The following RWDD4 variants were observed in gnomAD, a reference collection of about 807,000 sequenced individuals.
RWDD4 encodes RWD domain-containing protein 4.
RWDD4 carries 16 observed loss-of-function variants against 30.0 expected under a neutral mutation model. The observed-to-expected ratio is 0.53, with a 90% confidence interval of 0.36 to 0.81. RWDD4 has a LOEUF of 0.81. Among genes scored for constraint, RWDD4 ranks in the 30% least tolerant of loss-of-function variants. The probability of loss-of-function intolerance (pLI) is 0.00; values close to 1 mark genes in which losing one functional copy is unlikely to be tolerated. For synonymous variants in RWDD4, 45 were observed against 72.1 expected, an observed-to-expected ratio of 0.62 and a Z score of 1.90; for missense variants, 170 against 223.9, an observed-to-expected ratio of 0.76 and a Z score of 1.54.
rs773435072 is a variant in RWDD4, at chr4:183,651,304, T to G, written c.129A>C (p.Lys43Asn). The G allele has an allele frequency of 1.8e-5, 29 of 1,611,774 alleles. No homozygotes were observed. Among genetic ancestry groups the G allele is most frequent in the Non-Finnish European group, 2.5e-5 (29 of 1,179,602 alleles). The change falls in exon 3 of 8, where the codon AAA (lysine) becomes AAC (asparagine). Residue 43 changes from lysine (K) to asparagine (N), a missense_variant. Lys to Asn is a moderately conservative substitution (Grantham distance 94). Transcript: ENST00000326397. ...TCCAGGAAATCTCTATTAAGAAGGC[T>G]TTGGGATCACCATTTTCACCTATCT... ...QYRIGENGDP[K>N]AFLIEISWTE... is the part of the protein sequence containing the mutation.
chr4:183,643,414 T>A (rs1733903837), intron 7 of RWDD4, among the ~76,000 whole-genome samples: 2 of 13,862 alleles, frequency 1.4e-4, no homozygotes, highest in Non-Finnish European at 2.6e-4. Context: ...AGACTCTATC[T>A]CAAAAAAAAA....
intron 5 of RWDD4, among the ~76,000 whole-genome samples, chr4:183,647,888 C>A (rs1485850430): frequency 1.3e-5 from 2 of 152,090 alleles, no homozygotes; most frequent in African/African-American, 4.8e-5. Context: ...CACAGACAGA[C>A]ATTAAACAAA....
intron 7 of RWDD4, among the ~76,000 whole-genome samples, chr4:183,643,446 A>AAAAAAAAAAAAAAAAAACAAAAAAT (rs1733908521): frequency 7.5e-6 from 1 of 132,954 alleles, no homozygotes; most frequent in African/African-American, 2.9e-5. Context: ...AAAAAAAAAA[A>AAAAAAAAAAAAAAAAAACAAAAAAT]AGCATTTAAG....
At chr4:183,650,092 G>A (rs1018190198) in intron 4 of RWDD4, among the ~76,000 whole-genome samples, 3 of 152,186 alleles carry the variant, frequency 2.0e-5, no homozygotes, top group African/African-American at 7.2e-5. Context: ...AAGCATGGCT[G>A]CAAATGTTTT....
Position 183,651,460 on chromosome 4 carries a change from G to A in RWDD4, c.106-133C>T, listed in dbSNP as rs969216561. 255 of 714,772 alleles carry A rather than the reference G, an allele frequency of 3.6e-4. 1 individual carries two copies. The highest frequency in any genetic ancestry group is 5.3e-4 in the Non-Finnish European group (225 of 423,512). 44.3% of individuals were successfully genotyped at this position (714,772 alleles called of 1,614,324 possible). On this transcript the variant is annotated intron_variant, in intron 2 of 7. Coordinates refer to ENST00000326397, the MANE Select transcript of RWDD4 (RefSeq NM_152682.4). ...GAAATGTAATATTTTGAAAAGTCCA[G>A]TGACACAGGCTAGGACTGAGCAGGG...
intron 4 of RWDD4, among the ~76,000 whole-genome samples, chr4:183,649,877 C>T (rs1734040815): frequency 6.6e-6 from 1 of 152,138 alleles, no homozygotes; most frequent in Admixed American, 6.6e-5. Flanking sequence ...AGTTAACTTG[C>T]TATTATTTGG....
At position 183,640,136 on chromosome 4, in the gene RWDD4, ATACT is replaced by A; in HGVS notation, c.*1296_*1299del. On this transcript the variant is annotated 3_prime_UTR_variant, in exon 8 of 8. Coordinates refer to ENST00000326397, the MANE Select transcript of RWDD4 (RefSeq NM_152682.4). The stretch of plus-strand genomic sequence containing the variant: ...TGAGATTAACTCCTTTGCTGTAATT[ATACT>A]TACTCTATAATTCAAACTATTTAGC... The A allele has an allele frequency of 7.5e-6, 1 of 133,880 alleles. No homozygotes were observed. Among genetic ancestry groups the A allele is most frequent in the Non-Finnish European group, 1.6e-5 (1 of 63,448 alleles). The allele number at this position is 133,880 out of a possible 1,614,324, so 8.3% of individuals were successfully genotyped here.
chr4:183,646,915 G>C (rs1235557308), intron 5 of RWDD4, among the ~76,000 whole-genome samples: 1 of 152,156 alleles, frequency 6.6e-6, no homozygotes, highest in Non-Finnish European at 1.5e-5. Context: ...GTATTGTTCT[G>C]TTTAATAAAT....
chr4:183,641,566 G>C, intron 7 of RWDD4, 98 bp from the exon 8 acceptor site: 1 of 913,922 alleles, frequency 1.1e-6, no homozygotes, highest in Non-Finnish European at 1.8e-6. Flanking sequence ...CGAGGCTTAA[G>C]TAACTTAAAT....
At chr4:183,643,338 C>A (rs1733902162) in intron 7 of RWDD4, among the ~76,000 whole-genome samples, 1 of 130,472 alleles carries the variant, frequency 7.7e-6, no homozygotes, top group Admixed American at 8.8e-5. Context: ...ATCGCTTGAA[C>A]CTGGGAGGCA....
At chr4:183,646,380 C>T in intron 6 of RWDD4, 27 bp from the exon 7 acceptor site, 1 of 1,346,546 alleles carries the variant, frequency 7.4e-7, no homozygotes, top group Non-Finnish European at 1.1e-6. Flanking sequence ...AAACAGACAT[C>T]CCAGTGAATT....
rs369556530 is a variant in RWDD4 at position 183,655,899 on chromosome 4, T to C, written c.87A>G (p.Pro29=). The change falls in exon 2 of 8, where the codon CCA becomes CCG. Residue 29 remains proline (P), a synonymous_variant. Coordinates refer to ENST00000326397, the MANE Select transcript of RWDD4 (RefSeq NM_152682.4). ...EGDESFRELS[P]VSFQYRIGEN... is the part of the protein sequence containing the mutation. ...GTCTTACCCTATATTGAAAAGAAAC[T>C]GGACTTAATTCCCGGAAACTTTCAT... 99 of 1,608,634 alleles carry C rather than the reference T, an allele frequency of 6.2e-5. No homozygotes were observed. Among genetic ancestry groups the C allele is most frequent in the Middle Eastern group, 3.8e-4 (2 of 5,322 alleles).
chr4:183,651,074 A>G lies in RWDD4; in HGVS notation c.273T>C (p.Asn91=), dbSNP rs199864183. 13 of 1,614,080 alleles carry G rather than the reference A, an allele frequency of 8.1e-6. No individual in the cohort carries two copies. The East Asian group carries it at 2.9e-4, about 36-fold the overall frequency. ...ATGTATAGGTCATAGCGGTTCCAAG[A>G]TTAGCTTCTACTGCTTCCTGTAGCT... ...LAKLQEAVEA[N]LGTAMTYTLF... Residue 91 remains asparagine, a synonymous_variant, in exon 4 of 8, where the codon AAT becomes AAC. Coordinates refer to ENST00000326397, the MANE Select transcript of RWDD4 (RefSeq NM_152682.4).
intron 2 of RWDD4, chr4:183,653,705 T>C (rs544783330): frequency 1.3e-5 from 2 of 152,322 alleles, no homozygotes; most frequent in African/African-American, 4.8e-5. Context: ...ATAATAGATG[T>C]CATTGGTTTA....
chr4:183,655,783 T>G, intron 2 of RWDD4, 98 bp downstream of exon 2: 1 of 691,816 alleles, frequency 1.4e-6, no homozygotes, highest in Non-Finnish European at 2.5e-6. Context: ...ACAGACATAA[T>G]AAATTTAAAC....
intron 1 of RWDD4, among the ~76,000 whole-genome samples, chr4:183,657,043 CA>C (rs1734208396): frequency 6.6e-6 from 1 of 152,088 alleles, no homozygotes; most frequent in African/African-American, 2.4e-5. Context: ...GCAACAACAA[CA>C]GCAAAAAGAC....
intron 1 of RWDD4, among the ~76,000 whole-genome samples, 199 bp downstream of exon 1, chr4:183,658,730 A>T (rs9790356): frequency 0.38 from 57,511 of 152,206 alleles, 11,040 homozygotes; most frequent in Middle Eastern, 0.47. Context: ...ATGAAAAATG[A>T]GGGGGGAAGA....
rs1247695368 is a variant in RWDD4 at position 183,659,121 on chromosome 4, G to C, written c.-169C>G. 4.3e-6 allele frequency: 2 copies of C among 464,182 alleles called. No homozygotes were observed. Among genetic ancestry groups the C allele is most frequent in the Non-Finnish European group, 7.0e-6 (2 of 287,708 alleles). The allele number at this position is 464,182 out of a possible 1,614,324, so 28.8% of individuals were successfully genotyped here. On this transcript the variant is annotated 5_prime_UTR_variant, in exon 1 of 8. Coordinates refer to ENST00000326397, the MANE Select transcript of RWDD4 (RefSeq NM_152682.4). ...TGCGCGCGCCCCGAGCCTCGGCAGCGCCCAGCCGCCGGCAGTGGGCTGTGG... is the reference window on the plus strand; with the variant it reads ...TGCGCGCGCCCCGAGCCTCGGCAGCCCCCAGCCGCCGGCAGTGGGCTGTGG...
At chr4:183,658,663 C>T (rs1734275660) in intron 1 of RWDD4, among the ~76,000 whole-genome samples, 1 of 152,226 alleles carries the variant, frequency 6.6e-6, no homozygotes, top group African/African-American at 2.4e-5. Context: ...GGATCGTGCA[C>T]CAAGGACGCT....
Sources: allele counts gnomAD v4.1 joint callset (sites outside exome capture counted in the v4.1 genomes callset), GRCh38; gene constraint gnomAD v4.1.1; transcripts MANE v1.5; gene names NCBI Gene and HGNC (gene_info 2026-07-23, HGNC 2026-07-21).